The following VPS13B variants were observed in gnomAD, a reference collection of about 807,000 sequenced individuals.
VPS13B encodes intermembrane lipid transfer protein VPS13B.
In VPS13B, 285 loss-of-function variants were observed where a neutral mutation model predicts 426.4. The observed-to-expected ratio is 0.67, with a 90% CI of 0.61 to 0.74. The LOEUF is 0.74. Among genes scored for constraint, VPS13B ranks in the 30% least tolerant of loss-of-function variants. The pLI is 0.00. For synonymous variants in VPS13B, 1,676 were observed against 1,676.4 expected (o/e 1.00, Z 0.01); for missense variants, 4,537 against 4,782.6 (o/e 0.95, Z 1.51).
rs568911491 is a variant in VPS13B, at chr8:99,087,049, C to T, written c.292-9263C>T. On this transcript the variant is annotated intron_variant, in intron 3 of 61. Coordinates refer to ENST00000357162, the MANE Select transcript of VPS13B (RefSeq NM_152564.5). ...CCTTTGTTTGGCTATGCCCTGCCCG[C>T]AGAGGTGGAGTCTACAGAGGCAGGC... Among the ~76,000 whole-genome samples the T allele has an allele frequency of 4.6e-5, 7 of 152,312 alleles. No individual in the cohort carries two copies. In the South Asian group the frequency reaches 1.4e-3, roughly 32 times the overall value.
chr8:99,666,745 A>G (rs1667639), intron 35 of VPS13B, among the ~76,000 whole-genome samples: 20,673 of 152,078 alleles, frequency 0.14, 1,957 homozygotes, highest in East Asian at 0.39. Flanking sequence ...TTGAAAACGG[A>G]CACAAGACAC....
chr8:99,317,482 A>G (rs2133118232), intron 19 of VPS13B, among the ~76,000 whole-genome samples: 1 of 152,178 alleles, frequency 6.6e-6, no homozygotes, highest in Middle Eastern at 3.4e-3. Flanking sequence ...TAATGTTACT[A>G]TTTCCACCAT....
intron 33 of VPS13B, among the ~76,000 whole-genome samples, chr8:99,622,806 T>G (rs1476619966): frequency 1.3e-5 from 2 of 152,196 alleles, no homozygotes; most frequent in East Asian, 3.8e-4. Context: ...TGTTTCTTTC[T>G]TAGACGTTGT....
intron 25 of VPS13B, among the ~76,000 whole-genome samples, chr8:99,491,125 A>G (rs1820583517): frequency 6.6e-6 from 1 of 152,142 alleles, no homozygotes; most frequent in Admixed American, 6.5e-5. Flanking sequence ...ACTGGTTTCA[A>G]AGAACATCTT....
At chr8:99,334,504 T>G (rs567689871) in intron 19 of VPS13B, among the ~76,000 whole-genome samples, 12 of 152,210 alleles carry the variant, frequency 7.9e-5, no homozygotes, top group Non-Finnish European at 1.8e-4. Context: ...CATAGATAGC[T>G]CTTATTATTT....
chr8:99,137,595 G>A (rs940472548), intron 12 of VPS13B, among the ~76,000 whole-genome samples: 12 of 151,848 alleles, frequency 7.9e-5, no homozygotes, highest in Non-Finnish European at 1.5e-4. Context: ...TGATCTTGAA[G>A]TAAATTTGTT....
intron 35 of VPS13B, chr8:99,697,735 G>A: frequency 1.6e-6 from 1 of 620,698 alleles, no homozygotes; most frequent in Non-Finnish European, 3.1e-6. Flanking sequence ...GCCTGGCCTA[G>A]GGCGCGCCCG....
intron 3 of VPS13B, among the ~76,000 whole-genome samples, chr8:99,041,785 G>A (rs1842975078): frequency 6.6e-6 from 1 of 151,800 alleles, no homozygotes. Flanking sequence ...CCCGCGAGGT[G>A]GAGTTTGCAG....
intron 45 of VPS13B, 87 bp downstream of exon 45, chr8:99,817,890 A>G (rs1386043531): frequency 1.9e-6 from 3 of 1,595,552 alleles, no homozygotes; most frequent in Non-Finnish European, 2.6e-6. Context: ...CACTTAATTT[A>G]TTAAAAAGTG....
rs1272774097 is a variant in VPS13B at position 99,828,410 on chromosome 8, T to G, written c.9331-3959T>G. Among the ~76,000 whole-genome samples, 167 of 105,180 alleles carry G rather than the reference T, an allele frequency of 1.6e-3. 12 individuals carry two copies. The highest frequency in any genetic ancestry group is 5.5e-3 in the African/African-American group (147 of 26,694). 69.0% of individuals were successfully genotyped at this position (105,180 alleles called of 152,430 possible). A position where few individuals can be genotyped will look rare whatever the true frequency, so the allele number is the denominator to read the frequency against. ...ACAACCACCGTTTTTTTTTTTTTTT[T>G]TTTTTTTTTTTTTTTTTTTTTTTTG... is the stretch of plus-strand genomic sequence containing the variant. On this transcript the variant is annotated intron_variant, in intron 51 of 61. Coordinates refer to ENST00000357162, the MANE Select transcript of VPS13B (RefSeq NM_152564.5).
At chr8:99,417,421 G>A (rs1816083176) in intron 21 of VPS13B, among the ~76,000 whole-genome samples, 1 of 152,118 alleles carries the variant, frequency 6.6e-6, no homozygotes, top group Non-Finnish European at 1.5e-5. Flanking sequence ...TTGGAAAACA[G>A]TGACAGCCTG....
chr8:99,499,410 T>G (rs1479403416), intron 25 of VPS13B, among the ~76,000 whole-genome samples: 3 of 152,146 alleles, frequency 2.0e-5, no homozygotes, highest in Non-Finnish European at 2.9e-5. Context: ...AATTGAAGTC[T>G]TAGTGATTCG....
intron 35 of VPS13B, among the ~76,000 whole-genome samples, chr8:99,663,116 T>G (rs1371184768): frequency 6.6e-6 from 1 of 152,118 alleles, no homozygotes. Flanking sequence ...TCTCTAGCAA[T>G]ACCCCGCAAG....
intron 6 of VPS13B, 45 bp from the exon 7 acceptor site, chr8:99,115,653 CTT>C (rs1409865891): frequency 1.9e-6 from 3 of 1,582,808 alleles, no homozygotes; most frequent in South Asian, 1.1e-5. Flanking sequence ...AAAAAATACT[CTT>C]TTTAAACATG....
chr8:99,721,717 G>A (rs1833142131), intron 39 of VPS13B, among the ~76,000 whole-genome samples: 1 of 151,950 alleles, frequency 6.6e-6, no homozygotes, highest in South Asian at 2.1e-4. Context: ...AAATCTACAG[G>A]TCATTCCTGA....
At chr8:99,504,310 A>G (rs879719616) in intron 27 of VPS13B, among the ~76,000 whole-genome samples, 1 of 152,232 alleles carries the variant, frequency 6.6e-6, no homozygotes, top group South Asian at 2.1e-4. Context: ...CAGCCTGCAG[A>G]ACCACGAGCC....
chr8:99,225,335 A>T (rs1815957852), intron 17 of VPS13B, among the ~76,000 whole-genome samples: 1 of 151,552 alleles, frequency 6.6e-6, no homozygotes, highest in Non-Finnish European at 1.5e-5. Flanking sequence ...GCTGGAGTGC[A>T]GTGGCGCGAT....
chr8:99,810,301 C>T (rs895076848), intron 44 of VPS13B, among the ~76,000 whole-genome samples: 2 of 152,198 alleles, frequency 1.3e-5, no homozygotes, highest in African/African-American at 2.4e-5. Flanking sequence ...CTGGATTTGT[C>T]GTTAGAGTTT....
intron 41 of VPS13B, 128 bp from the exon 42 acceptor site, chr8:99,778,554 A>G: frequency 1.2e-6 from 1 of 843,092 alleles, no homozygotes; most frequent in Non-Finnish European, 1.9e-6. Context: ...AATAATTTGA[A>G]TTTATTAAAC....
Sources: allele counts gnomAD v4.1 joint callset (sites outside exome capture counted in the v4.1 genomes callset), GRCh38; gene constraint gnomAD v4.1.1; transcripts MANE v1.5; gene names NCBI Gene and HGNC (gene_info 2026-07-23, HGNC 2026-07-21).